MNX1: variants seen among roughly 807,000 people sequenced by gnomAD.
MNX1 encodes the protein motor neuron and pancreas homeobox protein 1.
In MNX1, 2 loss-of-function variants were observed where a neutral mutation model predicts 17.3. The ratio of observed to expected loss-of-function variants is 0.12; its 90% CI spans 0.05 to 0.36. MNX1 has a LOEUF of 0.36. MNX1 is among the 10% of genes least tolerant of loss of function. The pLI, the probability that MNX1 is intolerant of heterozygous loss-of-function variation, is 1.00. For synonymous variants in MNX1, 306 were observed against 283.1 expected (o/e 1.08, Z -0.81); for missense variants, 556 against 564.7 (o/e 0.98, Z 0.16).
At chr7:157,009,490 A>G in intron 1 of MNX1, 170 bp downstream of exon 1, 2 of 1,438,162 alleles carry the variant, frequency 1.4e-6, no homozygotes, top group Non-Finnish European at 9.1e-7. Context: ...TGCCCGTCTC[A>G]TGCCTGGGGG....
intron 1 of MNX1, chr7:157,008,643 T>C (rs1216833734): frequency 1.6e-5 from 5 of 316,384 alleles, no homozygotes. Context: ...TCTTTTTTGC[T>C]TTTCCCCTGC....
At position 157,006,495 on chromosome 7, in the gene MNX1, A is replaced by C. The variant is rs1252334766; in HGVS notation, c.836T>G (p.Met279Arg). The change falls in exon 2 of 3, where the codon ATG becomes AGG. Residue 279 changes from methionine (M) to arginine (R), a missense_variant. Physicochemically the swap from Met to Arg is moderately conservative, Grantham distance 91 (BLOSUM62 -1). This residue lies in a region of MNX1 where 210 missense variants were observed against 211.3 expected (regional missense o/e 0.99). Transcript: ENST00000252971. This position sits in a 1 kb window ranked among gnomAD's most constrained non-coding sequence, Gnocchi z 6.3. Reference sequence around the variant, plus strand: ...GGCGCGCACCTGGGTCTCGGTGAGCATGAGCGAGGTGGCCACCTCGAAGCG... The same window carrying C: ...GGCGCGCACCTGGGTCTCGGTGAGCCTGAGCGAGGTGGCCACCTCGAAGCG... The part of the protein sequence containing the change: ...PKRFEVATSL[M>R]LTETQVKIWF... The C allele has an allele frequency of 3.1e-6, 5 of 1,610,770 alleles. No homozygotes were observed. The highest frequency in any genetic ancestry group is 4.2e-6 in the Non-Finnish European group (5 of 1,179,186).
rs1805695431 is a variant in MNX1 at position 157,010,448 on chromosome 7, G to A, written c.-98C>T. 2.4e-6 allele frequency: 2 copies of A among 830,674 alleles called. No homozygotes were observed. Among genetic ancestry groups the A allele is most frequent in the Non-Finnish European group, 3.5e-6 (2 of 568,358 alleles). 51.5% of individuals were successfully genotyped at this position (830,674 alleles called of 1,614,324 possible). On this transcript the variant is annotated 5_prime_UTR_variant, in exon 1 of 3. Coordinates refer to ENST00000252971, the MANE Select transcript of MNX1 (RefSeq NM_005515.4). ...GCGTGCGGTGCAAGCCCGGGGGCTCGGTATTGTTATGGTGGTTATTTGCCA... is the reference window on the plus strand; with the variant it reads ...GCGTGCGGTGCAAGCCCGGGGGCTCAGTATTGTTATGGTGGTTATTTGCCA...
chr7:157,007,931 CA>C (rs1805634893), intron 1 of MNX1: 1 of 152,252 alleles, frequency 6.6e-6, no homozygotes, highest in Non-Finnish European at 1.5e-5. Context: ...ATCCAACAGG[CA>C]GAGACAACCA....
rs1805594751 is a variant in MNX1 at position 157,006,189 on chromosome 7, C to T, written c.852+290G>A. 3 of 582,774 alleles carry T rather than the reference C, an allele frequency of 5.1e-6. No individual in the cohort carries two copies. The highest frequency in any genetic ancestry group is 9.1e-6 in the Non-Finnish European group (3 of 329,486). The allele number at this position is 582,774 out of a possible 1,614,324, so 36.1% of individuals were successfully genotyped here. On this transcript the variant is annotated intron_variant, in intron 2 of 2. Coordinates refer to ENST00000252971, the MANE Select transcript of MNX1 (RefSeq NM_005515.4). This position sits in a 1 kb window ranked among gnomAD's most constrained non-coding sequence, Gnocchi z 6.3. Reference sequence around the variant, plus strand: ...AGGGTCAGGGCAGCTGGCTACGTCGCGGTAAATCTCAGGATGTTCCCTCCT... The same window carrying T: ...AGGGTCAGGGCAGCTGGCTACGTCGTGGTAAATCTCAGGATGTTCCCTCCT...
In MNX1 at chr7:157,010,149, C is replaced by A; in HGVS notation, c.202G>T (p.Ala68Ser). 9.3e-7 allele frequency: 1 copy of A among 1,080,500 alleles called. No homozygotes were observed. The highest frequency in any genetic ancestry group is 4.4e-5 in the South Asian group (1 of 22,860). The allele number at this position is 1,080,500 out of a possible 1,614,324, so 66.9% of individuals were successfully genotyped here. ...TCGGCGCGCAGGCGGTCGGCGGGCG[C>A]AGCCGGCGGCTCCGAGGACGCGGGG... The part of the protein sequence containing the change: ...CSPASSEPPA[A>S]PADRLRAESP... Residue 68 changes from alanine to serine, a missense_variant, in exon 1 of 3, where the codon GCG (alanine) becomes TCG (serine). Physicochemically the swap from Ala to Ser is moderately conservative, Grantham distance 99. Around this residue, in one of 7 missense-constraint regions of MNX1, gnomAD observed 115 missense variants for 103.5 expected, o/e 1.11. Transcript: ENST00000252971.
In MNX1 at chr7:157,005,432, G is replaced by T; in HGVS notation, c.*88C>A. ...CGGTCGAGCCTGCTCTCGGGGCCGG[G>T]CCGGGTGGGTGCGGGCGCCGGGGCC... On this transcript the variant is annotated 3_prime_UTR_variant, in exon 3 of 3. Transcript: ENST00000252971. 2.0e-6 allele frequency: 2 copies of T among 979,876 alleles called. No homozygotes were observed. The highest frequency in any genetic ancestry group is 2.6e-6 in the Non-Finnish European group (2 of 774,344). The allele number at this position is 979,876 out of a possible 1,614,324, so 60.7% of individuals were successfully genotyped here. A position where few individuals can be genotyped will look rare whatever the true frequency, so the allele number is the denominator to read the frequency against.
chr7:157,005,651 C>A lies in MNX1; in HGVS notation c.1075G>T (p.Asp359Tyr). Residue 359 changes from aspartate to tyrosine, a missense_variant, in exon 3 of 3, where the codon GAC (aspartate) becomes TAC (tyrosine). Physicochemically the swap from Asp to Tyr is radical, Grantham distance 160. Transcript: ENST00000252971. ...TGGTCCTCGTCGTCCTCGTCCTCGT[C>A]CTCCTCGGGGTCACTGTCCCTCAAG... The part of the protein sequence containing the change: ...RDLRDSDPEE[D>Y]EDEDDEDHFP... 1 of 1,610,214 alleles carries A rather than the reference C, an allele frequency of 6.2e-7. No homozygotes were observed. The highest frequency in any genetic ancestry group is 8.5e-7 in the Non-Finnish European group (1 of 1,179,106).
chr7:157,008,856 C>T (rs1470249619), intron 1 of MNX1: 4 of 804,590 alleles, frequency 5.0e-6, no homozygotes, highest in African/African-American at 1.7e-5. Context: ...GGAGAGTCCG[C>T]GTGTGCCAGG....
chr7:157,008,114 G>A (rs1029086615), intron 1 of MNX1: 1 of 152,234 alleles, frequency 6.6e-6, no homozygotes, highest in Non-Finnish European at 1.5e-5. Context: ...GTCAACATTT[G>A]GAATCAGAAA....
Position 157,006,261 on chromosome 7 carries a change from C to G in MNX1, c.852+218G>C, listed in dbSNP as rs1394993259. ...TCGAATGCGGCCTGGGGATCACCTT[C>G]TTCAGAATGAAAGGAGGGGTGGTTA... On this transcript the variant is annotated intron_variant, in intron 2 of 2. Coordinates refer to ENST00000252971, the MANE Select transcript of MNX1 (RefSeq NM_005515.4). The surrounding 1 kb of genome is among the most constrained non-coding windows in gnomAD (Gnocchi z 6.3). 1.0e-5 allele frequency: 6 copies of G among 599,218 alleles called. No homozygotes were observed. Among genetic ancestry groups the G allele is most frequent in the African/African-American group, 3.7e-5 (2 of 53,734 alleles). 37.1% of individuals were successfully genotyped at this position (599,218 alleles called of 1,614,324 possible). A position where few individuals can be genotyped will look rare whatever the true frequency, so the allele number is the denominator to read the frequency against.
At chr7:157,009,419 C>A (rs998310723) in intron 1 of MNX1, 2 of 1,427,398 alleles carry the variant, frequency 1.4e-6, no homozygotes, top group Non-Finnish European at 1.8e-6. Flanking sequence ...CTCCAACTGC[C>A]CCTTCCCGTT....
At chr7:157,007,496 G>T (rs1213054522) in intron 1 of MNX1, 5 of 152,262 alleles carry the variant, frequency 3.3e-5, no homozygotes, top group African/African-American at 1.2e-4. Context: ...CCTCCTCAGG[G>T]TGCGGGCGGC....
At position 157,009,810 on chromosome 7, in the gene MNX1, C is replaced by G; in HGVS notation, c.541G>C (p.Ala181Pro). Residue 181 changes from alanine (A) to proline (P), a missense_variant, in exon 1 of 3, where the codon GCG becomes CCG. Coordinates refer to ENST00000252971, the MANE Select transcript of MNX1 (RefSeq NM_005515.4). ...ACCTGCGGGTACGAGTAGGAGAGCG[C>G]CGGGTGCTGGCCCGCCAGCGCAGCC... is the stretch of plus-strand genomic sequence containing the variant. ...AAAALAGQHP[A>P]LSYSYPQVQG... 1 of 1,541,792 alleles carries G rather than the reference C, an allele frequency of 6.5e-7. No individual in the cohort carries two copies. Among genetic ancestry groups the G allele is most frequent in the African/African-American group, 1.4e-5 (1 of 72,320 alleles).
Position 157,010,031 on chromosome 7 carries a change from C to A in MNX1, c.320G>T (p.Gly107Val). The change falls in exon 1 of 3, where the codon GGC becomes GTC. Residue 107 changes from glycine (G) to valine (V), a missense_variant. Physicochemically the swap from Gly to Val is moderately radical, Grantham distance 109. Around this residue, in one of 7 missense-constraint regions of MNX1, gnomAD observed 115 missense variants for 103.5 expected, o/e 1.11. Transcript: ENST00000252971. ...GTGGTGGGGCCCCCCGTGCCCGCCG[C>A]CCGTGCCGCCGCCGCCGCCGCCCGC... ...LGAGGGGGGT[G>V]GGHGGPHHHA... 1 of 995,978 alleles carries A rather than the reference C, an allele frequency of 1.0e-6. No individual in the cohort carries two copies. Among genetic ancestry groups the A allele is most frequent in the South Asian group, 4.3e-5 (1 of 23,238 alleles). The allele number at this position is 995,978 out of a possible 1,614,324, so 61.7% of individuals were successfully genotyped here.
intron 1 of MNX1, 60 bp downstream of exon 1, chr7:157,009,600 G>T (rs948395475): frequency 8.7e-5 from 137 of 1,579,524 alleles, no homozygotes; most frequent in Non-Finnish European, 1.1e-4. Context: ...AGGCGGTGCC[G>T]GTGGAGGATG....
In MNX1 at chr7:157,006,632, C is replaced by T. The variant is rs1436265640; in HGVS notation, c.699G>A (p.Ala233=). The change falls in exon 2 of 3, where the codon GCG becomes GCA. Residue 233 remains alanine, a synonymous_variant. Coordinates refer to ENST00000252971, the MANE Select transcript of MNX1 (RefSeq NM_005515.4). This position sits in a 1 kb window ranked among gnomAD's most constrained non-coding sequence, Gnocchi z 6.3. ...GGCACTTCCCCAGGAGGTTCGACTG[C>T]GCCTGGGCTGGGGACCAAAGGGCAG... ...LPKMPDFNSQ[A]QSNLLGKCRR... 3 of 1,592,354 alleles carry T rather than the reference C, an allele frequency of 1.9e-6. No individual in the cohort carries two copies. The highest frequency in any genetic ancestry group is 1.7e-6 in the Non-Finnish European group (2 of 1,171,282).
rs149562772 is a variant in MNX1 at position 157,005,186 on chromosome 7, G to A, written c.*334C>T. 2.2e-3 allele frequency: 520 copies of A among 237,444 alleles called. 2 individuals are homozygous for A. The highest frequency in any genetic ancestry group is 0.011 in the African/African-American group (498 of 45,336). The allele number at this position is 237,444 out of a possible 1,614,324, so 14.7% of individuals were successfully genotyped here. ...GGGGAGACAGGAGGCTTCCCCTTGC[G>A]CGGGGTGGGTCGGTTCTTCTCACAC... On this transcript the variant is annotated 3_prime_UTR_variant, in exon 3 of 3. Coordinates refer to ENST00000252971, the MANE Select transcript of MNX1 (RefSeq NM_005515.4).
chr7:157,005,627 GGTCCTCGTCGTCCTC>G lies in MNX1; in HGVS notation c.1084_1098del (p.Glu362_Asp366del). 5.6e-6 allele frequency: 9 copies of G among 1,609,258 alleles called. No homozygotes were observed. The highest frequency in any genetic ancestry group is 7.6e-6 in the Non-Finnish European group (9 of 1,178,728). On this transcript the variant is annotated inframe_deletion, in exon 3 of 3. Coordinates refer to ENST00000252971, the MANE Select transcript of MNX1 (RefSeq NM_005515.4). ...CTGGCGCCGTTGCTGTAGGGGAAAT[GGTCCTCGTCGTCCTC>G]GTCCTCGTCCTCCTCGGGGTCACTG...
Sources: allele counts gnomAD v4.1 joint callset, GRCh38; gene constraint gnomAD v4.1.1; regional missense constraint gnomAD v4.1.1; non-coding constraint Gnocchi (gnomAD v3.1); transcripts MANE v1.5; gene names NCBI Gene and HGNC (gene_info 2026-07-23, HGNC 2026-07-21).